GPAM: variants seen among roughly 807,000 people sequenced by gnomAD.
GPAM encodes the protein glycerol-3-phosphate acyltransferase 1, mitochondrial.
Under a neutral mutation model 105.0 loss-of-function variants are expected in GPAM, and 56 were observed. The observed-to-expected ratio is 0.53, with a 90% CI of 0.43 to 0.67. GPAM has a LOEUF of 0.67. Among genes scored for constraint, GPAM ranks in the 30% least tolerant of loss-of-function variants. GPAM has a pLI of 0.00. For missense variants in GPAM, 855 were observed against 989.8 expected (o/e 0.86, Z 1.83); for synonymous variants, 368 against 354.4 (o/e 1.04, Z -0.43).
In GPAM at chr10:112,173,733, C is replaced by T; in HGVS notation, c.526G>A (p.Glu176Lys). ...GCCGGTGAGACAGTGGCAACCATTT[C>T]TTGAAGAATCCTTTTAGCTTTCTTT... is the stretch of plus-strand genomic sequence containing the variant. ...VKKKAKRILQ[E>K]MVATVSPAMI... The change falls in exon 7 of 22, where the codon GAA becomes AAA. Residue 176 changes from glutamate to lysine, a missense_variant. Glu to Lys is a moderately conservative substitution (Grantham distance 56). Transcript: ENST00000348367. 6.2e-7 allele frequency: 1 copy of T among 1,613,874 alleles called. No homozygotes were observed. Among genetic ancestry groups the T allele is most frequent in the African/African-American group, 1.3e-5 (1 of 75,042 alleles).
intron 1 of GPAM, among the ~76,000 whole-genome samples, chr10:112,191,082 G>C (rs1253069433): frequency 6.6e-6 from 1 of 152,196 alleles, no homozygotes; most frequent in Non-Finnish European, 1.5e-5. Flanking sequence ...GGAGAGTGAG[G>C]AGGGCAGAGC....
chr10:112,209,036 G>A (rs894299911), intron 1 of GPAM, among the ~76,000 whole-genome samples: 2 of 152,318 alleles, frequency 1.3e-5, no homozygotes, highest in Non-Finnish European at 2.9e-5. Context: ...CAGGGATTGG[G>A]GATGGGGACA....
At chr10:112,224,541 G>T in the GPAM span, among the ~76,000 whole-genome samples, 1 of 152,078 alleles carries the variant, frequency 6.6e-6, no homozygotes, top group Non-Finnish European at 1.5e-5. Context: ...CTCCAAGCAA[G>T]TGTCTGTATT....
chr10:112,186,265 A>G (rs1847594752), upstream of GPAM, among the ~76,000 whole-genome samples: 1 of 151,936 alleles, frequency 6.6e-6, no homozygotes, highest in Admixed American at 6.6e-5. Context: ...CTATCAATCA[A>G]GAGTTCTTTT....
the GPAM span, among the ~76,000 whole-genome samples, chr10:112,221,352 G>T: frequency 6.6e-6 from 1 of 152,148 alleles, no homozygotes; most frequent in Non-Finnish European, 1.5e-5. Context: ...GATGGCTGTG[G>T]GTTTGTCTCT....
chr10:112,201,860 A>G (rs1307504633), intron 1 of GPAM, among the ~76,000 whole-genome samples: 1 of 152,202 alleles, frequency 6.6e-6, no homozygotes, highest in East Asian at 1.9e-4. Flanking sequence ...CACCAAATAT[A>G]TATTTGTTGG....
chr10:112,175,514 T>A, intron 6 of GPAM, 86 bp downstream of exon 6: 1 of 784,054 alleles, frequency 1.3e-6, no homozygotes, highest in Non-Finnish European at 2.3e-6. Flanking sequence ...CCAGAGAAAC[T>A]AAAGGTTACT....
the GPAM span, among the ~76,000 whole-genome samples, chr10:112,220,511 T>C: frequency 6.6e-6 from 1 of 152,216 alleles, no homozygotes; most frequent in African/African-American, 2.4e-5. Context: ...TTTAGCTATA[T>C]GTGTTTTGTT....
intron 6 of GPAM, among the ~76,000 whole-genome samples, chr10:112,175,392 C>T (rs1847384537): frequency 6.6e-6 from 1 of 152,192 alleles, no homozygotes. Context: ...AACAAGGCTG[C>T]TATTCCCACA....
At chr10:112,213,280 TACTGTGTTA>T (rs1324398209) in intron 1 of GPAM, among the ~76,000 whole-genome samples, 2 of 152,248 alleles carry the variant, frequency 1.3e-5, no homozygotes, top group Non-Finnish European at 2.9e-5. Flanking sequence ...GTCTGCCATT[TACTGTGTTA>T]ACTTGGGCAG....
At chr10:112,193,646 C>T (rs1288465031) in intron 1 of GPAM, among the ~76,000 whole-genome samples, 2 of 152,168 alleles carry the variant, frequency 1.3e-5, no homozygotes, top group Non-Finnish European at 2.9e-5. Context: ...CAGCGTCTAC[C>T]TGATACTAAA....
intron 12 of GPAM, among the ~76,000 whole-genome samples, chr10:112,165,860 A>T (rs184304425): frequency 2.6e-4 from 40 of 151,962 alleles, no homozygotes; most frequent in African/African-American, 9.4e-4. Flanking sequence ...CCATCTCAAA[A>T]TTTTTTTGAC....
At chr10:112,161,764 T>C (rs1847128827) in intron 14 of GPAM, 27 bp from the exon 15 acceptor site, 2 of 1,590,636 alleles carry the variant, frequency 1.3e-6, no homozygotes, top group Non-Finnish European at 1.7e-6. Flanking sequence ...AAGCTTTTTT[T>C]AGTTGCACTT....
the GPAM span, among the ~76,000 whole-genome samples, chr10:112,222,778 T>C: frequency 1.3e-5 from 2 of 152,148 alleles, no homozygotes; most frequent in Non-Finnish European, 2.9e-5. Flanking sequence ...TTGAGAACAA[T>C]GTTCTCTCAG....
chr10:112,218,337 A>G (rs1193943546), upstream of GPAM, among the ~76,000 whole-genome samples: 2 of 152,200 alleles, frequency 1.3e-5, no homozygotes, highest in Non-Finnish European at 2.9e-5. Context: ...AAAGGAGAGA[A>G]AACAGAGCGA....
At position 112,182,778 on chromosome 10, in the gene GPAM, G is replaced by T. The variant is rs777487227; in HGVS notation, c.-30+16C>A. 1 of 152,198 alleles carries T rather than the reference G, an allele frequency of 6.6e-6. No individual in the cohort carries two copies. The highest frequency in any genetic ancestry group is 1.5e-5 in the Non-Finnish European group (1 of 68,034). The allele number at this position is 152,198 out of a possible 1,614,324, so 9.4% of individuals were successfully genotyped here. The stretch of plus-strand genomic sequence containing the variant: ...ATCTAACATAACAGGCTAGGGGAGA[G>T]AATAAACCAATGCACCTGGGATGAA... On this transcript the variant is annotated intron_variant, in intron 2 of 21. Transcript: ENST00000348367.
chr10:112,204,032 C>T (rs966204339), intron 1 of GPAM, among the ~76,000 whole-genome samples: 8 of 152,114 alleles, frequency 5.3e-5, no homozygotes, highest in Admixed American at 2.0e-4. Context: ...AGGTGTATTC[C>T]GTGGAGGAGA....
At position 112,159,983 on chromosome 10, in the gene GPAM, G is replaced by A; in HGVS notation, c.1830C>T (p.Ile610=). Residue 610 remains isoleucine, a synonymous_variant, in exon 17 of 22, where the codon ATC becomes ATT. Coordinates refer to ENST00000348367, the MANE Select transcript of GPAM (RefSeq NM_001244949.2). ...GGPTSTPPNL[I]SQEQLVRKAA... is the part of the protein sequence containing the mutation. Reference sequence around the variant, plus strand: ...CCTTCCGCACCAGCTGCTCCTGGCTGATCAGGTTAGGTGGGGTGCTAGTGG... The same window carrying A: ...CCTTCCGCACCAGCTGCTCCTGGCTAATCAGGTTAGGTGGGGTGCTAGTGG... The A allele has an allele frequency of 1.2e-6, 2 of 1,613,920 alleles. No homozygotes were observed. The highest frequency in any genetic ancestry group is 8.5e-7 in the Non-Finnish European group (1 of 1,179,814).
At position 112,154,695 on chromosome 10, in the gene GPAM, G is replaced by C; in HGVS notation, c.2312-8C>G. 1.3e-6 allele frequency: 2 copies of C among 1,597,480 alleles called. No individual in the cohort carries two copies. Among genetic ancestry groups the C allele is most frequent in the Non-Finnish European group, 1.7e-6 (2 of 1,165,014 alleles). On this transcript the variant is annotated splice_polypyrimidine_tract_variant and splice_region_variant and intron_variant, in intron 20 of 21. Coordinates refer to ENST00000348367, the MANE Select transcript of GPAM (RefSeq NM_001244949.2). ...AATATGTGGCACTCTCAGCTGAAGA[G>C]AGAGAATAAAACCCTGTCAAATGGT... is the stretch of plus-strand genomic sequence containing the variant.
Sources: gnomAD v4.1 joint callset for allele counts (sites outside exome capture counted in the v4.1 genomes callset) on GRCh38, gnomAD v4.1.1 for gene constraint, MANE v1.5 for transcripts, NCBI Gene and HGNC (gene_info 2026-07-23, HGNC 2026-07-21) for gene names.